The following ST6GAL2 variants were observed in gnomAD, a reference collection of about 807,000 sequenced individuals.
ST6GAL2 encodes beta-galactoside alpha-2,6-sialyltransferase 2.
ST6GAL2 carries 24 observed loss-of-function variants against 37.5 expected under a neutral mutation model. That is an observed-to-expected ratio of 0.64 (90% CI 0.46 to 0.90). The LOEUF is 0.90. Ranked by LOEUF, ST6GAL2 falls within the 40% of genes least tolerant of loss-of-function variation. The pLI is 0.00. For missense variants in ST6GAL2, 715 were observed against 712.7 expected (o/e 1.00, Z -0.04); for synonymous variants, 306 against 295.1 (o/e 1.04, Z -0.38).
intron 5 of ST6GAL2, among the ~76,000 whole-genome samples, chr2:106,814,490 C>CAA (rs60883353): frequency 0.11 from 15,087 of 133,592 alleles, 1,293 homozygotes; most frequent in East Asian, 0.48. Context: ...TGTTTGCGTT[C>CAA]AAAAAAAAAA....
intron 1 of ST6GAL2, among the ~76,000 whole-genome samples, chr2:106,863,529 G>T (rs1677893800): frequency 6.6e-6 from 1 of 152,150 alleles, no homozygotes. Context: ...TTCTGAGGCT[G>T]GTTCCAGAGC....
At chr2:106,837,850 G>A (rs1176501880) in intron 2 of ST6GAL2, among the ~76,000 whole-genome samples, 1 of 152,210 alleles carries the variant, frequency 6.6e-6, no homozygotes. Context: ...ACGAGGCACA[G>A]GGCACAGAAA....
intron 1 of ST6GAL2, among the ~76,000 whole-genome samples, chr2:106,880,122 C>T (rs560092798): frequency 6.6e-6 from 1 of 151,658 alleles, no homozygotes; most frequent in East Asian, 1.9e-4. Flanking sequence ...TTGTCTATTT[C>T]CCATTTATTC....
At chr2:106,852,873 G>T (rs1677428206) in intron 1 of ST6GAL2, among the ~76,000 whole-genome samples, 1 of 152,224 alleles carries the variant, frequency 6.6e-6, no homozygotes, top group African/African-American at 2.4e-5. Flanking sequence ...TGCCTGTGCT[G>T]TGCTGGGCAC....
At chr2:106,821,375 T>G (rs1675997623) in intron 5 of ST6GAL2, among the ~76,000 whole-genome samples, 1 of 150,628 alleles carries the variant, frequency 6.6e-6, no homozygotes, top group Non-Finnish European at 1.5e-5. Context: ...TAGTATATAT[T>G]AAATTGTATA....
chr2:106,870,641 T>C (rs1422749812), intron 1 of ST6GAL2, among the ~76,000 whole-genome samples: 3 of 152,180 alleles, frequency 2.0e-5, no homozygotes, highest in Non-Finnish European at 4.4e-5. Flanking sequence ...CCAATGATTA[T>C]GGGTTTCCTG....
chr2:106,814,717 G>A (rs933915660), intron 5 of ST6GAL2, among the ~76,000 whole-genome samples: 8 of 152,194 alleles, frequency 5.3e-5, no homozygotes, highest in African/African-American at 1.9e-4. Context: ...AACCCATCCA[G>A]CTGTGCATGA....
At chr2:106,859,688 G>C (rs1465618338) in intron 1 of ST6GAL2, among the ~76,000 whole-genome samples, 1 of 152,088 alleles carries the variant, frequency 6.6e-6, no homozygotes, top group African/African-American at 2.4e-5. Flanking sequence ...ATTGCCTTCT[G>C]TACTGCCCCC....
chr2:106,872,633 G>A (rs1678319327), intron 1 of ST6GAL2, among the ~76,000 whole-genome samples: 1 of 151,830 alleles, frequency 6.6e-6, no homozygotes, highest in African/African-American at 2.4e-5. Flanking sequence ...TTTTGAGATG[G>A]AGTTTCGCTC....
chr2:106,867,567 A>G (rs1235151576), intron 1 of ST6GAL2, among the ~76,000 whole-genome samples: 10 of 152,260 alleles, frequency 6.6e-5, no homozygotes. Context: ...CAGAAATCCC[A>G]AATGACGAGG....
At position 106,832,662 on chromosome 2, in the gene ST6GAL2, A is replaced by C; in HGVS notation, c.1046T>G (p.Leu349Arg). The change falls in exon 4 of 6, where the codon CTG (leucine) becomes CGG (arginine). Residue 349 changes from leucine to arginine, a missense_variant. This residue lies in a region of ST6GAL2 where 512 missense variants were observed against 488.8 expected (regional missense o/e 1.05). Coordinates refer to ENST00000409382, the MANE Select transcript of ST6GAL2 (RefSeq NM_001142351.2). ...AATGAAGTGATGGCTGGGGTTGGTC[A>C]GAATCTGCAAACACACAGAAAAACC... ...TTIRIINSQI[L>R]TNPSHHFIDS... 2.5e-6 allele frequency: 4 copies of C among 1,601,772 alleles called. No homozygotes were observed. The highest frequency in any genetic ancestry group is 3.4e-6 in the Non-Finnish European group (4 of 1,168,734).
At chr2:106,850,120 A>C (rs1327725178) in intron 1 of ST6GAL2, among the ~76,000 whole-genome samples, 1 of 152,160 alleles carries the variant, frequency 6.6e-6, no homozygotes, top group Non-Finnish European at 1.5e-5. Flanking sequence ...CATAGCCTCC[A>C]TTATATGAAA....
chr2:106,843,809 T>G lies in ST6GAL2; in HGVS notation c.169A>C (p.Lys57Gln), dbSNP rs1558702328. The change falls in exon 2 of 6, where the codon AAG (lysine) becomes CAG (glutamine). Residue 57 changes from lysine (K) to glutamine (Q), a missense_variant. Physicochemically the swap from Lys to Gln is moderately conservative, Grantham distance 53. Around this residue, in one of 3 missense-constraint regions of ST6GAL2, gnomAD observed 512 missense variants for 488.8 expected, o/e 1.05. Coordinates refer to ENST00000409382, the MANE Select transcript of ST6GAL2 (RefSeq NM_001142351.2). Reference protein sequence around the residue: ...ETRRLLPVQGKQRAIMGAAHE... With the variant: ...ETRRLLPVQGQQRAIMGAAHE... ...GCGGCGCCCATGATGGCCCGCTGCT[T>G]CCCCTGCACCGGCAGGAGCCTCCTG... The G allele has an allele frequency of 6.2e-7, 1 of 1,611,230 alleles. No homozygotes were observed. Among genetic ancestry groups the G allele is most frequent in the South Asian group, 1.1e-5 (1 of 91,034 alleles).
intron 1 of ST6GAL2, among the ~76,000 whole-genome samples, chr2:106,862,415 A>C (rs1429373555): frequency 2.6e-5 from 4 of 152,240 alleles, no homozygotes; most frequent in Non-Finnish European, 5.9e-5. Context: ...TCTATCAAAC[A>C]AACACTGAAT....
At chr2:106,871,271 A>G (rs932891820) in intron 1 of ST6GAL2, among the ~76,000 whole-genome samples, 3 of 152,234 alleles carry the variant, frequency 2.0e-5, no homozygotes. Context: ...TGGAACTTCC[A>G]TGACTAGAAG....
chr2:106,843,681 C>A lies in ST6GAL2; in HGVS notation c.297G>T (p.Trp99Cys). Residue 99 changes from tryptophan to cysteine, a missense_variant, in exon 2 of 6, where the codon TGG becomes TGT. Trp to Cys is a radical substitution (Grantham distance 215). Around this residue, in one of 3 missense-constraint regions of ST6GAL2, gnomAD observed 512 missense variants for 488.8 expected, o/e 1.05. Transcript: ENST00000409382. ...GTTCAAACCCATCTTGGGACTGGGC[C>A]CATTTCTGCAGGTCTCCAGGCCCCG... ...FHAGPGDLQK[W>C]AQSQDGFEHK... 1 of 1,613,306 alleles carries A rather than the reference C, an allele frequency of 6.2e-7. No homozygotes were observed. The highest frequency in any genetic ancestry group is 8.5e-7 in the Non-Finnish European group (1 of 1,180,012).
chr2:106,833,274 G>A (rs1247813397), intron 3 of ST6GAL2, among the ~76,000 whole-genome samples: 5 of 151,818 alleles, frequency 3.3e-5, no homozygotes, highest in African/African-American at 1.2e-4. Flanking sequence ...CAGATGATAT[G>A]TATTCTAATT....
At chr2:106,855,898 T>G (rs1007539054) in intron 1 of ST6GAL2, among the ~76,000 whole-genome samples, 10 of 152,224 alleles carry the variant, frequency 6.6e-5, no homozygotes, top group African/African-American at 2.4e-4. Context: ...TAGTTAAAGC[T>G]TTCTTCTGGT....
rs1489216384 is a variant in ST6GAL2 at position 106,843,500 on chromosome 2, C to T, written c.478G>A (p.Glu160Lys). ...FPSPGEPGPREGAFPAAQVQR... is the reference protein window; with the variant it reads ...FPSPGEPGPRKGAFPAAQVQR... ...ACCTGTGCAGCCGGAAAAGCCCCCT[C>T]CCGTGGGCCTGGCTCCCCGGGGGAA... The change falls in exon 2 of 6, where the codon GAG becomes AAG. Residue 160 changes from glutamate (E) to lysine (K), a missense_variant. Coordinates refer to ENST00000409382, the MANE Select transcript of ST6GAL2 (RefSeq NM_001142351.2). The T allele has an allele frequency of 1.2e-6, 2 of 1,614,102 alleles. No homozygotes were observed. The highest frequency in any genetic ancestry group is 1.7e-6 in the Non-Finnish European group (2 of 1,180,026).
Sources: gnomAD v4.1 joint callset for allele counts (sites outside exome capture counted in the v4.1 genomes callset) on GRCh38, gnomAD v4.1.1 for gene constraint, gnomAD v4.1.1 regional missense constraint, MANE v1.5 for transcripts, NCBI Gene and HGNC (gene_info 2026-07-23, HGNC 2026-07-21) for gene names.